CTNNA2: variants seen among roughly 807,000 people sequenced by gnomAD.
The protein encoded by CTNNA2 is catenin alpha-2.
A neutral mutation model predicts 101.0 loss-of-function variants in CTNNA2; 42 were observed. The ratio of observed to expected loss-of-function variants is 0.42; its 90% confidence interval spans 0.32 to 0.54. The LOEUF is 0.54. Ranked by LOEUF, CTNNA2 falls within the 20% of genes least tolerant of loss-of-function variation. The pLI, the probability that CTNNA2 is intolerant of heterozygous loss-of-function variation, is 0.14. For synonymous variants in CTNNA2, 450 were observed against 456.4 expected (o/e 0.99, Z 0.18); for missense variants, 871 against 1,223.1 (o/e 0.71, Z 4.29).
At chr2:79,576,910 A>G (rs768648605) in intron 1 of CTNNA2, among the ~76,000 whole-genome samples, 2 of 152,164 alleles carry the variant, frequency 1.3e-5, no homozygotes, top group Non-Finnish European at 2.9e-5. Context: ...CGAGCATAAC[A>G]TCCAGTTTAA....
chr2:79,922,540 C>T (rs115767157), intron 7 of CTNNA2, among the ~76,000 whole-genome samples: 2,201 of 152,028 alleles, frequency 0.014, 69 homozygotes, highest in African/African-American at 0.05. Context: ...TTTTTTCCAC[C>T]GCTGCCCTAA....
At chr2:79,847,792 T>C (rs779133690) in intron 3 of CTNNA2, among the ~76,000 whole-genome samples, 1 of 152,154 alleles carries the variant, frequency 6.6e-6, no homozygotes, top group Non-Finnish European at 1.5e-5. Flanking sequence ...TACATATCCA[T>C]GTCAAGATGT....
chr2:79,314,884 G>T (rs984090601), intron 3 of CTNNA2, among the ~76,000 whole-genome samples: 1 of 152,212 alleles, frequency 6.6e-6, no homozygotes, highest in Admixed American at 6.5e-5. Context: ...GTAGTGCCAT[G>T]AAGTCATCAT....
At chr2:79,655,229 G>A (rs1162498067) in intron 2 of CTNNA2, among the ~76,000 whole-genome samples, 2 of 152,108 alleles carry the variant, frequency 1.3e-5, no homozygotes, top group Non-Finnish European at 2.9e-5. Flanking sequence ...ACACTTAAGA[G>A]TACCTATAAG....
At chr2:79,882,902 T>C (rs992484107) in intron 6 of CTNNA2, among the ~76,000 whole-genome samples, 4 of 148,554 alleles carry the variant, frequency 2.7e-5, no homozygotes, top group East Asian at 3.9e-4. Flanking sequence ...TTGCCGGCTG[T>C]GTTGCATGCT....
At chr2:80,306,389 CT>C (rs1676959155) in intron 7 of CTNNA2, among the ~76,000 whole-genome samples, 2 of 132,880 alleles carry the variant, frequency 1.5e-5, no homozygotes, top group African/African-American at 3.5e-5. Flanking sequence ...CTTTTCTTTT[CT>C]TTTCTTTTCT....
chr2:79,866,788 A>G lies in CTNNA2; in HGVS notation c.466-3028A>G, dbSNP rs150167311. Among the ~76,000 whole-genome samples the G allele has an allele frequency of 1.9e-3, 295 of 152,246 alleles. 3 individuals carry two copies. Among genetic ancestry groups the G allele is most frequent in the African/African-American group, 6.8e-3 (282 of 41,522 alleles). ...ATACATTTTGCTAAGCAAATGTATG[A>G]TTTTGCTAATATGTATGATTTGATA... On this transcript the variant is annotated intron_variant, in intron 4 of 18. Transcript: ENST00000402739.
At chr2:79,331,288 T>C (rs971083937) in intron 3 of CTNNA2, among the ~76,000 whole-genome samples, 1 of 152,150 alleles carries the variant, frequency 6.6e-6, no homozygotes, top group Non-Finnish European at 1.5e-5. Flanking sequence ...GCCCTTCTCT[T>C]GTGGAGTCCT....
intron 2 of CTNNA2, 54 bp from the exon 3 acceptor site, chr2:79,744,333 A>G: frequency 6.7e-7 from 1 of 1,482,310 alleles, no homozygotes; most frequent in Non-Finnish European, 9.1e-7. Flanking sequence ...AGATAACATG[A>G]CATTTCTAGA....
chr2:80,297,791 C>A (rs1293226053), intron 7 of CTNNA2, among the ~76,000 whole-genome samples: 1 of 152,262 alleles, frequency 6.6e-6, no homozygotes, highest in South Asian at 2.1e-4. Flanking sequence ...GCCTGCAAAG[C>A]GTCTACCTAC....
At chr2:79,974,293 C>T (rs1019207566) in intron 7 of CTNNA2, among the ~76,000 whole-genome samples, 3 of 152,038 alleles carry the variant, frequency 2.0e-5, no homozygotes, top group Non-Finnish European at 4.4e-5. Context: ...CAATGCCCGT[C>T]GTGAAGGAGA....
At chr2:79,693,767 C>G (rs1005973066) in intron 2 of CTNNA2, among the ~76,000 whole-genome samples, 1 of 151,810 alleles carries the variant, frequency 6.6e-6, no homozygotes, top group Non-Finnish European at 1.5e-5. Flanking sequence ...CCCATTCTAC[C>G]TTCTCCAGAA....
intron 3 of CTNNA2, among the ~76,000 whole-genome samples, chr2:79,842,922 A>G (rs1679935878): frequency 6.6e-6 from 1 of 152,204 alleles, no homozygotes; most frequent in Admixed American, 6.5e-5. Flanking sequence ...GCCAAAAGTA[A>G]CTGGAAGAGA....
intron 7 of CTNNA2, among the ~76,000 whole-genome samples, chr2:80,338,773 T>C (rs1455228270): frequency 6.6e-6 from 1 of 152,176 alleles, no homozygotes; most frequent in Non-Finnish European, 1.5e-5. Context: ...GCAGTCCTGG[T>C]AGTTTTCCTA....
At chr2:79,991,454 G>T (rs1179842732) in intron 7 of CTNNA2, among the ~76,000 whole-genome samples, 1 of 151,958 alleles carries the variant, frequency 6.6e-6, no homozygotes, top group African/African-American at 2.4e-5. Flanking sequence ...AATTTCTCTA[G>T]ATCTCCCCTA....
chr2:79,234,864 T>A (rs1674537128), intron 2 of CTNNA2, among the ~76,000 whole-genome samples: 1 of 152,146 alleles, frequency 6.6e-6, no homozygotes, highest in Non-Finnish European at 1.5e-5. Flanking sequence ...TTGAAGTAAA[T>A]TTTTCAGCTC....
At chr2:79,893,109 T>C (rs10496234) in intron 6 of CTNNA2, among the ~76,000 whole-genome samples, 67,559 of 151,870 alleles carry the variant, frequency 0.44, 15,367 homozygotes, top group Non-Finnish European at 0.49. Context: ...TTTTCACATA[T>C]GATAGGTAGT....
intron 3 of CTNNA2, among the ~76,000 whole-genome samples, chr2:79,370,719 CTG>C (rs1677851493): frequency 1.3e-5 from 2 of 151,882 alleles, no homozygotes; most frequent in South Asian, 4.1e-4. Context: ...CAACAAAACA[CTG>C]TGCTTCATTT....
At chr2:79,396,916 A>T (rs560356967) in intron 4 of CTNNA2, among the ~76,000 whole-genome samples, 2 of 152,280 alleles carry the variant, frequency 1.3e-5, no homozygotes, top group Admixed American at 1.3e-4. Context: ...GTAATTTGTT[A>T]TAGCAGTGGT....
Sources: gnomAD v4.1 joint callset for allele counts (sites outside exome capture counted in the v4.1 genomes callset) on GRCh38, gnomAD v4.1.1 for gene constraint, MANE v1.5 for transcripts, NCBI Gene and HGNC (gene_info 2026-07-23, HGNC 2026-07-21) for gene names.